Variants in ERGIC1 observed in about 807,000 individuals in gnomAD.
ERGIC1 encodes endoplasmic reticulum-Golgi intermediate compartment protein 1.
ERGIC1 carries 19 observed loss-of-function variants against 38.3 expected under a neutral mutation model. That is an observed-to-expected ratio of 0.50 (90% CI 0.35 to 0.73). ERGIC1 has a LOEUF of 0.73. ERGIC1 is among the 30% of genes least tolerant of loss of function. ERGIC1 has a pLI of 0.01. For synonymous variants in ERGIC1, 124 were observed against 157.6 expected (o/e 0.79, Z 1.60); for missense variants, 294 against 389.2 (o/e 0.76, Z 2.06).
chr5:172,872,447 A>C (rs1017145166), intron 1 of ERGIC1, among the ~76,000 whole-genome samples: 3 of 152,122 alleles, frequency 2.0e-5, no homozygotes, highest in Admixed American at 6.5e-5. Flanking sequence ...TTAATCCTGC[A>C]CTGTGCTTTT....
chr5:172,883,184 G>A (rs574463816), intron 1 of ERGIC1, among the ~76,000 whole-genome samples: 6 of 151,944 alleles, frequency 3.9e-5, no homozygotes, highest in Admixed American at 2.0e-4. Flanking sequence ...AGACTTTTCC[G>A]CCAAACTGCA....
rs1490242441 is a variant in ERGIC1, at chr5:172,923,923, C to A, written c.376-82C>A. ...GATCTGCCTGATTCCAGTGTCCTCC[C>A]TGGATCACACAGGGTGAGGCCCCAA... On this transcript the variant is annotated intron_variant, in intron 5 of 9. Coordinates refer to ENST00000393784, the MANE Select transcript of ERGIC1 (RefSeq NM_001031711.3). 7 of 1,254,610 alleles carry A rather than the reference C, an allele frequency of 5.6e-6. No homozygotes were observed. In the Admixed American group the frequency reaches 1.3e-4, roughly 24 times the overall value. The allele number at this position is 1,254,610 out of a possible 1,614,324, so 77.7% of individuals were successfully genotyped here.
intron 5 of ERGIC1, 140 bp downstream of exon 5, chr5:172,914,978 C>A: frequency 7.5e-7 from 1 of 1,325,806 alleles, no homozygotes. Context: ...TGTCCAGCTG[C>A]CTGGCCGTTC....
At chr5:172,945,298 G>A (rs1467717286) in intron 9 of ERGIC1, among the ~76,000 whole-genome samples, 1 of 152,198 alleles carries the variant, frequency 6.6e-6, no homozygotes, top group Non-Finnish European at 1.5e-5. Context: ...TCAGCTACCT[G>A]TTCTGTTGAA....
chr5:172,928,484 C>T (rs757618616), intron 7 of ERGIC1, among the ~76,000 whole-genome samples: 7 of 152,200 alleles, frequency 4.6e-5, no homozygotes, highest in Non-Finnish European at 1.0e-4. Flanking sequence ...CACTGGTCAC[C>T]CTATCTAAAG....
At chr5:172,948,286 A>T (rs1764166000) in intron 9 of ERGIC1, among the ~76,000 whole-genome samples, 1 of 152,124 alleles carries the variant, frequency 6.6e-6, no homozygotes, top group South Asian at 2.1e-4. Flanking sequence ...AGCTCATCTC[A>T]TGGAAATATC....
At chr5:172,868,239 C>T (rs1283811211) in intron 1 of ERGIC1, among the ~76,000 whole-genome samples, 1 of 152,162 alleles carries the variant, frequency 6.6e-6, no homozygotes, top group Non-Finnish European at 1.5e-5. Flanking sequence ...AAAACACTGG[C>T]GGTTCAGAGA....
chr5:172,927,481 C>T (rs1415775783), intron 7 of ERGIC1, among the ~76,000 whole-genome samples: 4 of 152,052 alleles, frequency 2.6e-5, no homozygotes, highest in Admixed American at 6.6e-5. Flanking sequence ...TTGCAGTTTA[C>T]CGTCTGCTTT....
intron 1 of ERGIC1, among the ~76,000 whole-genome samples, chr5:172,844,316 A>G (rs1323838255): frequency 6.6e-6 from 1 of 152,242 alleles, no homozygotes; most frequent in Non-Finnish European, 1.5e-5. Flanking sequence ...GGGAAGGGAC[A>G]GCTGACATGC....
chr5:172,850,864 A>T (rs1010948301), intron 1 of ERGIC1, among the ~76,000 whole-genome samples: 2 of 152,140 alleles, frequency 1.3e-5, no homozygotes. Context: ...AAAAAATTGA[A>T]TTTTATGTCA....
At chr5:172,884,609 T>C (rs987458490) in intron 1 of ERGIC1, among the ~76,000 whole-genome samples, 14 of 152,180 alleles carry the variant, frequency 9.2e-5, no homozygotes, top group African/African-American at 3.4e-4. Flanking sequence ...ACTTTCTTGG[T>C]TTCTGACATA....
intron 1 of ERGIC1, among the ~76,000 whole-genome samples, chr5:172,871,361 A>G (rs1375691501): frequency 6.6e-6 from 1 of 152,148 alleles, no homozygotes; most frequent in East Asian, 1.9e-4. Flanking sequence ...TCTGCCTGGA[A>G]TGCTCTTCCC....
intron 1 of ERGIC1, among the ~76,000 whole-genome samples, chr5:172,835,013 G>A (rs1450279085): frequency 6.6e-6 from 1 of 152,254 alleles, no homozygotes; most frequent in African/African-American, 2.4e-5. Flanking sequence ...ATGGGAAGGG[G>A]AGGAGGCGCC....
chr5:172,872,612 C>T (rs1379522438), intron 1 of ERGIC1, among the ~76,000 whole-genome samples: 1 of 152,034 alleles, frequency 6.6e-6, no homozygotes, highest in South Asian at 2.1e-4. Flanking sequence ...GCCAGGAGTT[C>T]GAGACCAGCC....
intron 9 of ERGIC1, among the ~76,000 whole-genome samples, chr5:172,944,597 G>A (rs1051108665): frequency 1.3e-5 from 2 of 152,216 alleles, no homozygotes; most frequent in African/African-American, 4.8e-5. Flanking sequence ...CACCTCAGGT[G>A]ATCCACCCAC....
In ERGIC1 at chr5:172,951,936, G is replaced by C. The variant is rs1764239652; in HGVS notation, c.*1120G>C. 1 of 152,302 alleles carries C rather than the reference G, an allele frequency of 6.6e-6. No homozygotes were observed. The highest frequency in any genetic ancestry group is 2.4e-5 in the African/African-American group (1 of 41,450). The allele number at this position is 152,302 out of a possible 1,614,324, so 9.4% of individuals were successfully genotyped here. A position where few individuals can be genotyped will look rare whatever the true frequency, so the allele number is the denominator to read the frequency against. On this transcript the variant is annotated 3_prime_UTR_variant, in exon 10 of 10. Transcript: ENST00000393784. ...CAGCCATCGTGGCCCACTTGACACT[G>C]TGCTCCTCCATCAGCTGGTCACATG...
chr5:172,841,013 G>A (rs980471157), intron 1 of ERGIC1, among the ~76,000 whole-genome samples: 1 of 152,190 alleles, frequency 6.6e-6, no homozygotes, highest in Non-Finnish European at 1.5e-5. Flanking sequence ...TTTGCCACAT[G>A]TATAGTCTCA....
At chr5:172,853,262 A>T (rs1761457254) in intron 1 of ERGIC1, among the ~76,000 whole-genome samples, 1 of 152,082 alleles carries the variant, frequency 6.6e-6, no homozygotes, top group East Asian at 1.9e-4. Context: ...CCTCCAGTAG[A>T]AGCAGCCACA....
At chr5:172,920,465 C>CA in intron 5 of ERGIC1, 2 of 717,730 alleles carry the variant, frequency 2.8e-6, no homozygotes, top group Non-Finnish European at 5.2e-6. Flanking sequence ...GCCAGCCCCG[C>CA]AGGAGGAGGA....
Sources: gnomAD v4.1 joint callset for allele counts (sites outside exome capture counted in the v4.1 genomes callset) on GRCh38, gnomAD v4.1.1 for gene constraint, MANE v1.5 for transcripts, NCBI Gene and HGNC (gene_info 2026-07-23, HGNC 2026-07-21) for gene names.